CNNM2: variants seen among roughly 807,000 people sequenced by gnomAD.
The protein encoded by CNNM2 is metal transporter CNNM2.
A neutral mutation model predicts 66.9 loss-of-function variants in CNNM2; 12 were observed. The ratio of observed to expected loss-of-function variants is 0.18; its 90% CI spans 0.11 to 0.29. The LOEUF (loss-of-function observed/expected upper bound fraction) is 0.29. Ranked by LOEUF, CNNM2 falls within the 10% of genes least tolerant of loss-of-function variation. CNNM2 has a pLI of 1.00. For synonymous variants in CNNM2, 557 were observed against 501.8 expected (o/e 1.11, Z -1.47); for missense variants, 705 against 1,167.7 (o/e 0.60, Z 5.77).
At chr10:102,939,167 T>C (rs1292270063) in intron 1 of CNNM2, among the ~76,000 whole-genome samples, 1 of 152,192 alleles carries the variant, frequency 6.6e-6, no homozygotes, top group African/African-American at 2.4e-5. Flanking sequence ...TCAACCTGCC[T>C]AGTTGTTTGA....
rs11191538 is a variant in CNNM2 at position 103,059,799 on chromosome 10, A to G, written c.2073+2835A>G. Among the ~76,000 whole-genome samples the G allele has an allele frequency of 0.12, 17,560 of 152,206 alleles. 1,206 individuals are homozygous for G. Among genetic ancestry groups the G allele is most frequent in the Non-Finnish European group, 0.15 (10,247 of 67,990 alleles). Reference sequence around the variant, plus strand: ...ACTGAATACCTTGTAAAATAGAATTAACAGATTTGGAGGAAATTAAACATA... The same window carrying G: ...ACTGAATACCTTGTAAAATAGAATTGACAGATTTGGAGGAAATTAAACATA... On this transcript the variant is annotated intron_variant, in intron 4 of 7. Transcript: ENST00000369878.
At chr10:102,920,635 G>C (rs1845594996) in intron 1 of CNNM2, among the ~76,000 whole-genome samples, 2 of 152,108 alleles carry the variant, frequency 1.3e-5, no homozygotes, top group Non-Finnish European at 1.5e-5. Context: ...CTGCTTGCCT[G>C]GCAACTTGTG....
At position 103,068,700 on chromosome 10, in the gene CNNM2, G is replaced by T; in HGVS notation, c.2145G>T (p.Val715=). The change falls in exon 5 of 8, where the codon GTG becomes GTT. Residue 715 remains valine (V), a synonymous_variant. Transcript: ENST00000369878. ...CGAGCGCCTTCTCATACTATGGCGT[G>T]ATGGCCCTGACAGCCTCTCCAGGTA... ...FEASAFSYYG[V]MALTASPVPL... 1.2e-6 allele frequency: 2 copies of T among 1,612,872 alleles called. No individual in the cohort carries two copies. The highest frequency in any genetic ancestry group is 1.7e-6 in the Non-Finnish European group (2 of 1,179,490).
intron 4 of CNNM2, among the ~76,000 whole-genome samples, chr10:103,061,031 A>G (rs2065377398): frequency 6.6e-6 from 1 of 152,206 alleles, no homozygotes; most frequent in African/African-American, 2.4e-5. Flanking sequence ...GTACTTAAAA[A>G]GAAAATAGAA....
At chr10:103,032,395 G>C (rs891760296) in intron 1 of CNNM2, among the ~76,000 whole-genome samples, 1 of 152,012 alleles carries the variant, frequency 6.6e-6, no homozygotes, top group Admixed American at 6.6e-5. Context: ...AGGTTGCAGC[G>C]AGCCGAGATC....
chr10:103,090,052 T>C lies in CNNM2; in HGVS notation c.*12872T>C, dbSNP rs1449877736. On this transcript the variant is annotated 3_prime_UTR_variant, in exon 8 of 8. Transcript: ENST00000369878. ...ACAAGTCAATATAGACTTATCTTCA[T>C]AGAACTACTTATAGTTGCCTGTCTT... is the stretch of plus-strand genomic sequence containing the variant. The C allele has an allele frequency of 3.6e-6, 2 of 557,586 alleles. No homozygotes were observed. The highest frequency in any genetic ancestry group is 1.9e-5 in the African/African-American group (1 of 52,544). The allele number at this position is 557,586 out of a possible 1,614,324, so 34.5% of individuals were successfully genotyped here.
intron 1 of CNNM2, among the ~76,000 whole-genome samples, chr10:103,004,805 CTT>C (rs1289701259): frequency 6.6e-6 from 1 of 152,168 alleles, no homozygotes; most frequent in Non-Finnish European, 1.5e-5. Flanking sequence ...CTCAGCTTTT[CTT>C]GGACCTTTTG....
chr10:103,034,439 G>A (rs184189312), intron 1 of CNNM2, among the ~76,000 whole-genome samples: 61 of 152,016 alleles, frequency 4.0e-4, no homozygotes, highest in African/African-American at 7.5e-4. Context: ...GCAAATGTAC[G>A]GTGTGGTTTG....
intron 1 of CNNM2, among the ~76,000 whole-genome samples, chr10:103,017,846 C>A (rs1038869188): frequency 6.6e-6 from 1 of 151,638 alleles, no homozygotes; most frequent in Non-Finnish European, 1.5e-5. Context: ...CACCTGTAAT[C>A]CCAGCTACTC....
chr10:102,941,631 C>CAGATAAGCTGCAA (rs2134179341), intron 1 of CNNM2, among the ~76,000 whole-genome samples: 1 of 152,298 alleles, frequency 6.6e-6, no homozygotes, highest in African/African-American at 2.4e-5. Context: ...GTCCTTTCGC[C>CAGATAAGCTGCAA]AGATAGCTTT....
chr10:102,988,629 A>T (rs2063841762), intron 1 of CNNM2, among the ~76,000 whole-genome samples: 1 of 152,124 alleles, frequency 6.6e-6, no homozygotes, highest in Admixed American at 6.6e-5. Flanking sequence ...GCATCCAGGG[A>T]CCTCAGCTCA....
chr10:102,984,625 A>G (rs1041505802), intron 1 of CNNM2, among the ~76,000 whole-genome samples: 3 of 152,170 alleles, frequency 2.0e-5, no homozygotes, highest in African/African-American at 7.2e-5. Flanking sequence ...CTAAGCCTAG[A>G]TTATAACTGA....
intron 1 of CNNM2, among the ~76,000 whole-genome samples, chr10:103,013,644 G>A (rs2064387997): frequency 6.6e-6 from 1 of 152,168 alleles, no homozygotes; most frequent in Admixed American, 6.5e-5. Context: ...CTAAATCGCT[G>A]TGAATGGAAC....
At chr10:102,940,735 T>G (rs1037341844) in intron 1 of CNNM2, among the ~76,000 whole-genome samples, 2 of 151,518 alleles carry the variant, frequency 1.3e-5, no homozygotes, top group Non-Finnish European at 2.9e-5. Context: ...TATTATTATT[T>G]TTTTGAGATG....
intron 1 of CNNM2, among the ~76,000 whole-genome samples, chr10:103,036,437 A>C (rs1178421159): frequency 1.3e-5 from 2 of 152,214 alleles, no homozygotes; most frequent in Non-Finnish European, 2.9e-5. Flanking sequence ...TTGCATCTGC[A>C]AAATCCCTTC....
intron 1 of CNNM2, among the ~76,000 whole-genome samples, chr10:102,994,569 A>G (rs1387705945): frequency 3.9e-5 from 6 of 152,238 alleles, no homozygotes; most frequent in Non-Finnish European, 8.8e-5. Flanking sequence ...CCAACAAAAT[A>G]GCTGCCAGTT....
rs7902220 is a variant in CNNM2 at position 102,941,095 on chromosome 10, T to C, written c.1621+20994T>C. 0.015 allele frequency among the ~76,000 whole-genome samples: 2,254 copies of C among 152,292 alleles called. 57 individuals are homozygous for C. The highest frequency in any genetic ancestry group is 0.051 in the African/African-American group (2,100 of 41,542). On this transcript the variant is annotated intron_variant, in intron 1 of 7. Transcript: ENST00000369878. ...TAGAAATACATTTTAAATTAATGCA[T>C]GAATCAGTCTATTTTGATTATCATT...
intron 1 of CNNM2, among the ~76,000 whole-genome samples, chr10:103,026,860 C>T (rs1162236416): frequency 1.3e-5 from 2 of 152,116 alleles, no homozygotes; most frequent in South Asian, 2.1e-4. Flanking sequence ...CTTCCTTGGT[C>T]GACTTCCAGT....
intron 1 of CNNM2, among the ~76,000 whole-genome samples, chr10:102,970,143 G>T (rs2063527072): frequency 6.6e-6 from 1 of 152,124 alleles, no homozygotes; most frequent in Non-Finnish European, 1.5e-5. Flanking sequence ...ATTTTTAAAT[G>T]GTCGAAAGTA....
Sources: gnomAD v4.1 joint callset for allele counts (sites outside exome capture counted in the v4.1 genomes callset) on GRCh38, gnomAD v4.1.1 for gene constraint, MANE v1.5 for transcripts, NCBI Gene and HGNC (gene_info 2026-07-23, HGNC 2026-07-21) for gene names.